The following RGS6 variants were observed in gnomAD, a reference collection of about 807,000 sequenced individuals.
RGS6 encodes the protein regulator of G protein signaling 6, also known as regulator of G-protein signaling 6.
Under a neutral mutation model 78.5 loss-of-function variants are expected in RGS6, and 30 were observed. The ratio of observed to expected loss-of-function variants is 0.38; its 90% CI spans 0.29 to 0.52. The LOEUF is 0.52. Ranked by LOEUF, RGS6 falls within the 20% of genes least tolerant of loss-of-function variation. The pLI is 0.85. For synonymous variants in RGS6, 206 were observed against 206.0 expected (o/e 1.00, Z 0.00); for missense variants, 495 against 609.7 (o/e 0.81, Z 1.98).
At chr14:72,158,066 T>A (rs185671712) in intron 2 of RGS6, among the ~76,000 whole-genome samples, 185 of 152,188 alleles carry the variant, frequency 1.2e-3, no homozygotes, top group African/African-American at 4.2e-3. Flanking sequence ...TCCTGACCAG[T>A]GTATCAGTTT....
intron 2 of RGS6, among the ~76,000 whole-genome samples, chr14:72,347,651 G>C (rs1241083617): frequency 1.3e-5 from 2 of 152,202 alleles, no homozygotes; most frequent in Non-Finnish European, 2.9e-5. Context: ...GCCTGGCCCA[G>C]AGTGGATACT....
At chr14:71,940,334 C>T (rs2090317071) in intron 1 of RGS6, among the ~76,000 whole-genome samples, 1 of 152,170 alleles carries the variant, frequency 6.6e-6, no homozygotes, top group African/African-American at 2.4e-5. Flanking sequence ...TAAGGGGACC[C>T]AGCCTCCCCT....
At chr14:72,003,999 G>A (rs1049932580) in intron 2 of RGS6, among the ~76,000 whole-genome samples, 1 of 152,200 alleles carries the variant, frequency 6.6e-6, no homozygotes, top group South Asian at 2.1e-4. Flanking sequence ...GCCAAACTTT[G>A]CTCTCCACTG....
intron 3 of RGS6, among the ~76,000 whole-genome samples, chr14:72,370,632 T>A (rs2083318172): frequency 6.6e-6 from 1 of 152,174 alleles, no homozygotes; most frequent in South Asian, 2.1e-4. Context: ...AAATTTATGA[T>A]GGGCAGTGAT....
chr14:72,387,171 A>G (rs2088377448), intron 3 of RGS6, among the ~76,000 whole-genome samples: 1 of 152,166 alleles, frequency 6.6e-6, no homozygotes, highest in Admixed American at 6.5e-5. Context: ...ATATCAATAA[A>G]TAATACCTTA....
chr14:72,149,028 T>TG (rs1339728899), intron 2 of RGS6, among the ~76,000 whole-genome samples: 2 of 152,170 alleles, frequency 1.3e-5, no homozygotes, highest in Admixed American at 1.3e-4. Flanking sequence ...TGGTGTCAGC[T>TG]GGGGGAGCCT....
intron 15 of RGS6, among the ~76,000 whole-genome samples, chr14:72,532,701 A>G (rs2097198094): frequency 6.6e-6 from 1 of 152,242 alleles, no homozygotes; most frequent in Non-Finnish European, 1.5e-5. Flanking sequence ...ATATGGAGAC[A>G]GTTTTAGTGG....
chr14:72,537,439 A>G (rs1939613108), intron 16 of RGS6: 1 of 702,008 alleles, frequency 1.4e-6, no homozygotes, highest in Non-Finnish European at 2.6e-6. Flanking sequence ...GAGGCCATGG[A>G]GTCTGAGAAA....
intron 2 of RGS6, among the ~76,000 whole-genome samples, chr14:72,287,517 C>T (rs144176270): frequency 4.7e-4 from 71 of 152,222 alleles, no homozygotes; most frequent in African/African-American, 1.4e-3. Context: ...AGTGCAGTGG[C>T]GTGATCTAGA....
chr14:71,926,755 G>A, the RGS6 span, among the ~76,000 whole-genome samples: 1 of 152,058 alleles, frequency 6.6e-6, no homozygotes, highest in Non-Finnish European at 1.5e-5. Flanking sequence ...TTGTTTTACA[G>A]GGTGTTATGC....
At chr14:72,480,039 C>T (rs1392039836) in intron 12 of RGS6, among the ~76,000 whole-genome samples, 1 of 152,096 alleles carries the variant, frequency 6.6e-6, no homozygotes, top group Non-Finnish European at 1.5e-5. Flanking sequence ...TTCTAAGTAC[C>T]GTAATCCAGG....
chr14:72,304,680 A>T (rs1190987614), intron 2 of RGS6, among the ~76,000 whole-genome samples: 2 of 152,110 alleles, frequency 1.3e-5, no homozygotes, highest in African/African-American at 4.8e-5. Flanking sequence ...GGAGTTCGAG[A>T]CCAGCCTGAC....
At chr14:72,286,217 C>G in intron 2 of RGS6, among the ~76,000 whole-genome samples, 2 of 152,282 alleles carry the variant, frequency 1.3e-5, no homozygotes, top group Non-Finnish European at 2.9e-5. Flanking sequence ...CAATTTCATT[C>G]TTTTGCATAT....
At chr14:72,474,486 T>C (rs2096180746) in intron 9 of RGS6, 139 bp from the exon 10 acceptor site, 3 of 748,912 alleles carry the variant, frequency 4.0e-6, no homozygotes, top group Non-Finnish European at 6.6e-6. Flanking sequence ...GGAATGCATA[T>C]TATGGCAAAA....
At chr14:72,514,356 G>A (rs944201603) in intron 14 of RGS6, among the ~76,000 whole-genome samples, 5 of 152,192 alleles carry the variant, frequency 3.3e-5, no homozygotes, top group African/African-American at 9.7e-5. Flanking sequence ...GTAAACTGGT[G>A]ACTGAGGGCC....
chr14:72,220,029 C>T (rs76840917), intron 2 of RGS6, among the ~76,000 whole-genome samples: 2,760 of 152,256 alleles, frequency 0.018, 35 homozygotes, highest in East Asian at 0.059. Context: ...TACACAACTT[C>T]AGCAAAGTTT....
chr14:72,461,857 A>G (rs1307414403), intron 6 of RGS6, among the ~76,000 whole-genome samples: 1 of 152,192 alleles, frequency 6.6e-6, no homozygotes, highest in East Asian at 1.9e-4. Flanking sequence ...TGCCTCAGAG[A>G]CCTCATATTA....
At chr14:72,584,956 G>A in the RGS6 span, among the ~76,000 whole-genome samples, 3 of 152,152 alleles carry the variant, frequency 2.0e-5, no homozygotes, top group African/African-American at 7.2e-5. Context: ...CAGGGCTAGA[G>A]GCCATAATAA....
intron 2 of RGS6, among the ~76,000 whole-genome samples, chr14:72,337,851 C>T (rs1203127333): frequency 6.6e-6 from 1 of 152,212 alleles, no homozygotes; most frequent in African/African-American, 2.4e-5. Context: ...CATTGTGCAG[C>T]CTACAGTCCA....
Sources: gnomAD v4.1 joint callset for allele counts (sites outside exome capture counted in the v4.1 genomes callset) on GRCh38, gnomAD v4.1.1 for gene constraint, MANE v1.5 for transcripts, NCBI Gene and HGNC (gene_info 2026-07-23, HGNC 2026-07-21) for gene names.